The following ADAMTSL1 variants were observed in gnomAD, a reference collection of about 807,000 sequenced individuals.
ADAMTSL1 encodes the protein ADAMTS-like protein 1.
Under a neutral mutation model 201.8 loss-of-function variants are expected in ADAMTSL1, and 126 were observed. That is an observed-to-expected ratio of 0.62 (90% CI 0.54 to 0.72). The LOEUF is 0.72. Among genes scored for constraint, ADAMTSL1 ranks in the 30% least tolerant of loss-of-function variants. ADAMTSL1 has a pLI of 0.00. For missense variants in ADAMTSL1, 2,679 were observed against 2,277.8 expected (o/e 1.18, Z -3.59); for synonymous variants, 1,121 against 903.4 (o/e 1.24, Z -4.32).
At chr9:18,563,467 T>C (rs1484688439) in intron 3 of ADAMTSL1, among the ~76,000 whole-genome samples, 2 of 152,186 alleles carry the variant, frequency 1.3e-5, no homozygotes, top group African/African-American at 4.8e-5. Flanking sequence ...GGAAGGTGTC[T>C]CTCAGTCAGG....
chr9:18,348,285 G>T (rs1406436839), intron 2 of ADAMTSL1, among the ~76,000 whole-genome samples: 7 of 152,160 alleles, frequency 4.6e-5, no homozygotes, highest in Admixed American at 2.0e-4. Context: ...GATGGAGGGA[G>T]AGTCACGGGT....
chr9:18,179,393 C>G (rs140187080), intron 2 of ADAMTSL1, among the ~76,000 whole-genome samples: 1 of 152,280 alleles, frequency 6.6e-6, no homozygotes, highest in African/African-American at 2.4e-5. Context: ...ACCAAATCTA[C>G]GTCTGACTGG....
chr9:18,723,737 G>A (rs919890199), intron 15 of ADAMTSL1: 2 of 152,500 alleles, frequency 1.3e-5, no homozygotes, highest in African/African-American at 4.8e-5. Context: ...CAACAATAAA[G>A]GGGACCAAAG....
intron 1 of ADAMTSL1, among the ~76,000 whole-genome samples, chr9:18,026,696 G>A (rs369629539): frequency 2.0e-5 from 3 of 151,988 alleles, no homozygotes; most frequent in African/African-American, 7.2e-5. Flanking sequence ...ACACATTTTG[G>A]TATCAGGACA....
intron 1 of ADAMTSL1, among the ~76,000 whole-genome samples, chr9:18,138,213 A>G (rs1420808080): frequency 6.6e-6 from 1 of 152,144 alleles, no homozygotes; most frequent in African/African-American, 2.4e-5. Flanking sequence ...ATGTGTTCAA[A>G]TTGCTCTGTA....
At chr9:18,357,603 C>T (rs1488392126) in intron 2 of ADAMTSL1, among the ~76,000 whole-genome samples, 1 of 151,994 alleles carries the variant, frequency 6.6e-6, no homozygotes, top group East Asian at 1.9e-4. Context: ...GATAATATTT[C>T]AGAATCTGAA....
At chr9:18,078,977 C>G (rs1393425932) in intron 1 of ADAMTSL1, among the ~76,000 whole-genome samples, 3 of 152,148 alleles carry the variant, frequency 2.0e-5, no homozygotes, top group African/African-American at 7.2e-5. Context: ...AGTTTATCAG[C>G]CTGTCTATCT....
intron 15 of ADAMTSL1, among the ~76,000 whole-genome samples, chr9:18,733,231 A>G (rs1818314693): frequency 6.6e-6 from 1 of 152,194 alleles, no homozygotes; most frequent in Non-Finnish European, 1.5e-5. Context: ...AAACTTCACA[A>G]GTTAACAAGG....
intron 2 of ADAMTSL1, among the ~76,000 whole-genome samples, chr9:18,179,238 A>T (rs201258089): frequency 4.1e-4 from 62 of 152,282 alleles, no homozygotes; most frequent in Middle Eastern, 6.8e-3. Flanking sequence ...TGCAGAAGCC[A>T]CAGGAGCCGA....
At chr9:18,845,019 G>A (rs1247727879) in intron 23 of ADAMTSL1, among the ~76,000 whole-genome samples, 4 of 152,188 alleles carry the variant, frequency 2.6e-5, no homozygotes, top group East Asian at 1.9e-4. Context: ...GCCCTGCTTC[G>A]GCTCATGCAC....
chr9:18,452,014 G>C (rs778244540), intron 2 of ADAMTSL1, among the ~76,000 whole-genome samples: 1 of 152,178 alleles, frequency 6.6e-6, no homozygotes, highest in Non-Finnish European at 1.5e-5. Context: ...AGGTTCAAGC[G>C]ATTCTCCTCC....
intron 3 of ADAMTSL1, among the ~76,000 whole-genome samples, chr9:18,542,828 A>C (rs1396030083): frequency 6.6e-6 from 1 of 152,228 alleles, no homozygotes; most frequent in East Asian, 1.9e-4. Context: ...ATTTTTTAAA[A>C]ACTGAAAATT....
At chr9:18,027,982 T>C (rs1302588563) in intron 1 of ADAMTSL1, among the ~76,000 whole-genome samples, 2 of 152,118 alleles carry the variant, frequency 1.3e-5, no homozygotes, top group Non-Finnish European at 2.9e-5. Flanking sequence ...CTTTGTTCTT[T>C]TTTACTATTC....
intron 2 of ADAMTSL1, among the ~76,000 whole-genome samples, chr9:18,361,142 A>C (rs1174872327): frequency 6.6e-6 from 1 of 152,150 alleles, no homozygotes; most frequent in African/African-American, 2.4e-5. Flanking sequence ...ACAGGTTTAC[A>C]TTTTACAGCA....
chr9:18,325,573 A>G (rs1223059283), intron 2 of ADAMTSL1, among the ~76,000 whole-genome samples: 1 of 152,166 alleles, frequency 6.6e-6, no homozygotes, highest in Non-Finnish European at 1.5e-5. Flanking sequence ...TGAGTAATTT[A>G]AAAAGAATGG....
At position 18,283,916 on chromosome 9, in the gene ADAMTSL1, T is replaced by TA. The variant is rs71333034; in HGVS notation, c.207+119949dup. Among the ~76,000 whole-genome samples the TA allele has an allele frequency of 1.1e-3, 28 of 26,614 alleles. 2 individuals are homozygous for TA. The highest frequency in any genetic ancestry group is 2.2e-3 in the South Asian group (1 of 446). The allele number at this position is 26,614 out of a possible 152,430, so 17.5% of individuals were successfully genotyped here. On this transcript the variant is annotated intron_variant, in intron 2 of 29. Coordinates refer to the ADAMTSL1 transcript ENST00000680146. ...CTGGGCAACAGAGCAAGACTCCGTC[T>TA]AAAAAAAAAAAAAAGAAGAAGAAGA...
chr9:17,908,420 G>A (rs1367021324), intron 1 of ADAMTSL1, among the ~76,000 whole-genome samples: 1 of 151,924 alleles, frequency 6.6e-6, no homozygotes, highest in East Asian at 1.9e-4. Flanking sequence ...CTGCAGCTGG[G>A]TTAAAACCCA....
At chr9:18,771,604 A>G (rs1820690409) in intron 17 of ADAMTSL1, among the ~76,000 whole-genome samples, 2 of 152,128 alleles carry the variant, frequency 1.3e-5, no homozygotes, top group African/African-American at 4.8e-5. Context: ...AGCCAAGAAC[A>G]GAATCACTAG....
chr9:18,081,310 C>T (rs114511443), intron 1 of ADAMTSL1, among the ~76,000 whole-genome samples: 5,174 of 151,972 alleles, frequency 0.034, 231 homozygotes, highest in African/African-American at 0.1. Context: ...AATTGTTTTA[C>T]ATGTAGTAAT....
Sources: allele counts gnomAD v4.1 joint callset (sites outside exome capture counted in the v4.1 genomes callset), GRCh38; gene constraint gnomAD v4.1.1; transcripts MANE v1.5; gene names NCBI Gene and HGNC (gene_info 2026-07-23, HGNC 2026-07-21).